The following CAST variants were observed in gnomAD, a reference collection of about 807,000 sequenced individuals.
CAST encodes the protein MIR583 host.
A neutral mutation model predicts 119.6 loss-of-function variants in CAST; 76 were observed. That is an observed-to-expected ratio of 0.64 (90% CI 0.53 to 0.77). The LOEUF is 0.77. CAST is among the 30% of genes least tolerant of loss of function. The pLI, the probability that CAST is intolerant of heterozygous loss-of-function variation, is 0.00. For missense variants in CAST, 953 were observed against 946.5 expected (o/e 1.01, Z -0.09); for synonymous variants, 319 against 331.6 (o/e 0.96, Z 0.41).
intron 22 of CAST, among the ~76,000 whole-genome samples, chr5:96,757,074 C>T (rs1372027739): frequency 6.6e-6 from 1 of 152,172 alleles, no homozygotes; most frequent in African/African-American, 2.4e-5. Flanking sequence ...CTACAAAGCC[C>T]ACCCCCATGT....
chr5:96,737,727 A>C, intron 10 of CAST, 122 bp from the exon 11 acceptor site: 1 of 581,794 alleles, frequency 1.7e-6, no homozygotes, highest in Non-Finnish European at 3.1e-6. Flanking sequence ...ATTTTGGGGA[A>C]CTATTTGAAG....
intron 3 of CAST, among the ~76,000 whole-genome samples, chr5:96,719,311 C>A (rs968271898): frequency 2.0e-5 from 3 of 152,196 alleles, no homozygotes; most frequent in African/African-American, 7.2e-5. Flanking sequence ...CAGGCGCGTG[C>A]CACCACACTC....
chr5:96,271,734 G>A, the CAST span, among the ~76,000 whole-genome samples: 2 of 150,724 alleles, frequency 1.3e-5, no homozygotes, highest in Non-Finnish European at 3.0e-5. Context: ...CAAAGCACAG[G>A]AAACCAAAGC....
At chr5:96,481,096 G>T in the CAST span, among the ~76,000 whole-genome samples, 1 of 147,538 alleles carries the variant, frequency 6.8e-6, no homozygotes, top group Admixed American at 6.7e-5. Flanking sequence ...GGAGAGAAAA[G>T]CTCTCAATCA....
the CAST span, among the ~76,000 whole-genome samples, chr5:96,303,310 C>T: frequency 1.3e-5 from 2 of 152,168 alleles, no homozygotes; most frequent in Non-Finnish European, 2.9e-5. Flanking sequence ...TTGAGGATTA[C>T]AATTCCACAT....
the CAST span, among the ~76,000 whole-genome samples, chr5:96,467,337 T>A: frequency 6.6e-6 from 1 of 152,124 alleles, no homozygotes; most frequent in Non-Finnish European, 1.5e-5. Context: ...TTATTGTTGC[T>A]ATCAAGTTTT....
At chr5:96,118,495 T>C in the CAST span, among the ~76,000 whole-genome samples, 1 of 152,138 alleles carries the variant, frequency 6.6e-6, no homozygotes, top group Non-Finnish European at 1.5e-5. Flanking sequence ...GAGCAAAAAA[T>C]GCAAAAGGAA....
the CAST span, among the ~76,000 whole-genome samples, chr5:96,155,729 C>T: frequency 2.0e-5 from 3 of 152,202 alleles, no homozygotes; most frequent in Non-Finnish European, 1.5e-5. Context: ...CTCCTCACCT[C>T]TCCTCTCCCT....
rs768506861 is a variant in CAST, at chr5:96,729,668, A to G, written c.492A>G (p.Lys164=). The part of the protein sequence containing the change: ...SDTGSNDAHN[K]KAVSRSAEQQ... ...CAGGAAGTAACGATGCTCACAATAAAAAAGCAGTTTCCAGATCAGCTGAAC... is the reference window on the plus strand; with the variant it reads ...CAGGAAGTAACGATGCTCACAATAAGAAAGCAGTTTCCAGATCAGCTGAAC... Residue 164 remains lysine (K), a synonymous_variant, in exon 8 of 32, where the codon AAA becomes AAG. Transcript: ENST00000675179. 1.2e-6 allele frequency: 2 copies of G among 1,606,714 alleles called. No homozygotes were observed. Among genetic ancestry groups the G allele is most frequent in the Non-Finnish European group, 1.7e-6 (2 of 1,173,258 alleles).
At chr5:95,969,121 T>A in the CAST span, among the ~76,000 whole-genome samples, 14 of 152,290 alleles carry the variant, frequency 9.2e-5, no homozygotes, top group African/African-American at 3.1e-4. Flanking sequence ...AAGACAGTAA[T>A]CTGTTTTCAC....
chr5:96,493,292 T>C, the CAST span, among the ~76,000 whole-genome samples: 109 of 152,370 alleles, frequency 7.2e-4, no homozygotes, highest in Middle Eastern at 3.4e-3. Flanking sequence ...TCTTTAAGGT[T>C]GAACTTTTGT....
At chr5:96,681,502 G>C (rs1043417174) in intron 2 of CAST, among the ~76,000 whole-genome samples, 1 of 151,928 alleles carries the variant, frequency 6.6e-6, no homozygotes, top group African/African-American at 2.4e-5. Context: ...GGGAGGCCGA[G>C]GCGGGCGGAT....
the CAST span, among the ~76,000 whole-genome samples, chr5:96,118,369 A>G: frequency 7.9e-5 from 12 of 152,302 alleles, no homozygotes; most frequent in Non-Finnish European, 1.8e-4. Flanking sequence ...GTAAGTGGAT[A>G]AGCCATGGGC....
At chr5:96,071,051 C>T in the CAST span, among the ~76,000 whole-genome samples, 1,215 of 152,220 alleles carry the variant, frequency 8.0e-3, 20 homozygotes, top group African/African-American at 0.028. Flanking sequence ...ATTCCCCAGG[C>T]AGGAGGTCAT....
the CAST span, among the ~76,000 whole-genome samples, chr5:96,028,465 A>G: frequency 6.6e-6 from 1 of 152,062 alleles, no homozygotes; most frequent in Non-Finnish European, 1.5e-5. Context: ...TGGCATACAT[A>G]CCAGCACAGT....
At chr5:96,561,809 T>TTTTTTTTTC (rs1561417214) in intron 1 of CAST, among the ~76,000 whole-genome samples, 3 of 128,486 alleles carry the variant, frequency 2.3e-5, no homozygotes, top group Non-Finnish European at 3.3e-5. Flanking sequence ...TTTTTTTTTT[T>TTTTTTTTTC]TGAGACGGAG....
chr5:96,447,097 G>A, the CAST span, among the ~76,000 whole-genome samples: 14 of 152,332 alleles, frequency 9.2e-5, no homozygotes, highest in South Asian at 4.1e-4. Flanking sequence ...GGCTCCCATC[G>A]GAGAATTCAG....
intron 29 of CAST, chr5:96,769,387 T>C (rs189377092): frequency 3.8e-5 from 5 of 133,060 alleles, no homozygotes; most frequent in African/African-American, 1.0e-4. Flanking sequence ...GAAAACAGGG[T>C]TTTTTTTTGT....
chr5:96,052,332 G>T, the CAST span, among the ~76,000 whole-genome samples: 5 of 152,276 alleles, frequency 3.3e-5, no homozygotes, highest in East Asian at 9.6e-4. Flanking sequence ...TAGTGTTGAA[G>T]ATGGACTACA....
Sources: gnomAD v4.1 joint callset for allele counts (sites outside exome capture counted in the v4.1 genomes callset) on GRCh38, gnomAD v4.1.1 for gene constraint, MANE v1.5 for transcripts, NCBI Gene and HGNC (gene_info 2026-07-23, HGNC 2026-07-21) for gene names.